Variants in OXR1 observed in about 807,000 individuals in gnomAD.
The protein encoded by OXR1 is oxidation resistance 1.
OXR1 carries 41 observed loss-of-function variants against 104.6 expected under a neutral mutation model. The ratio of observed to expected loss-of-function variants is 0.39; its 90% CI spans 0.31 to 0.51. The LOEUF (loss-of-function observed/expected upper bound fraction) is 0.51, where lower values mean the gene tolerates loss of function less well. Ranked by LOEUF, OXR1 falls within the 20% of genes least tolerant of loss-of-function variation. The pLI is 0.77. For missense variants in OXR1, 955 were observed against 1,031.9 expected (o/e 0.93, Z 1.02); for synonymous variants, 348 against 348.4 (o/e 1.00, Z 0.01).
intron 16 of OXR1, 58 bp from the exon 17 acceptor site, chr8:106,750,748 T>A: frequency 8.0e-7 from 1 of 1,252,510 alleles, no homozygotes; most frequent in African/African-American, 1.5e-5. Flanking sequence ...AAGTCTCATT[T>A]AAATTGTTTT....
chr8:106,677,421 A>G (rs1298234188), intron 3 of OXR1, among the ~76,000 whole-genome samples: 1 of 152,150 alleles, frequency 6.6e-6, no homozygotes, highest in Non-Finnish European at 1.5e-5. Context: ...CAAAAATAAT[A>G]TTCTTTATAA....
chr8:106,662,710 T>C (rs1455303843), intron 3 of OXR1, among the ~76,000 whole-genome samples: 3 of 152,116 alleles, frequency 2.0e-5, no homozygotes, highest in Non-Finnish European at 4.4e-5. Flanking sequence ...TTTATAACTG[T>C]GTTGGTTATT....
Position 106,395,623 on chromosome 8 carries a change from G to T in OXR1, c.23+35987G>T, listed in dbSNP as rs1442122878. Among the ~76,000 whole-genome samples, 7 of 152,174 alleles carry T rather than the reference G, an allele frequency of 4.6e-5. No homozygotes were observed. In the East Asian group the frequency reaches 1.4e-3, roughly 29 times the overall value. ...ACAATTCAAGTTGAGATTTGGTGGG[G>T]ACACAGCCAAACCATATCAGATATG... On this transcript the variant is annotated intron_variant, in intron 2 of 16. Coordinates refer to ENST00000517566, the MANE Select transcript of OXR1 (RefSeq NM_001198533.2).
chr8:106,495,453 A>T (rs957249510), intron 2 of OXR1, among the ~76,000 whole-genome samples: 4 of 152,190 alleles, frequency 2.6e-5, no homozygotes, highest in African/African-American at 9.7e-5. Flanking sequence ...CTTAAGTTTT[A>T]TTCCTCTTGA....
chr8:106,401,450 G>A (rs1432785693), intron 2 of OXR1, among the ~76,000 whole-genome samples: 3 of 152,152 alleles, frequency 2.0e-5, no homozygotes, highest in Non-Finnish European at 4.4e-5. Flanking sequence ...GAATTTTTAA[G>A]GGCCTGCACT....
intron 2 of OXR1, among the ~76,000 whole-genome samples, chr8:106,490,629 G>A (rs543844341): frequency 1.3e-5 from 2 of 152,240 alleles, no homozygotes; most frequent in East Asian, 3.9e-4. Flanking sequence ...GTCTCCCAAA[G>A]TGCTGAGATT....
chr8:106,737,714 T>A, intron 12 of OXR1, 114 bp downstream of exon 12: 1 of 411,382 alleles, frequency 2.4e-6, no homozygotes, highest in Non-Finnish European at 4.3e-6. Flanking sequence ...GCACTAAAAT[T>A]AAATTCCTTT....
At chr8:106,556,638 G>A (rs1816305502) in intron 3 of OXR1, among the ~76,000 whole-genome samples, 1 of 152,158 alleles carries the variant, frequency 6.6e-6, no homozygotes, top group South Asian at 2.1e-4. Context: ...AGAAAGATGA[G>A]CTTAGTAGGA....
chr8:106,680,538 A>G (rs1828048576), intron 4 of OXR1, among the ~76,000 whole-genome samples: 1 of 152,072 alleles, frequency 6.6e-6, no homozygotes, highest in East Asian at 1.9e-4. Flanking sequence ...AACTAATTGT[A>G]CTACATTTTG....
chr8:106,713,894 C>T lies in OXR1; in HGVS notation c.1865C>T (p.Thr622Ile), dbSNP rs1243636809. Residue 622 changes from threonine (T) to isoleucine (I), a missense_variant, in exon 11 of 17, where the codon ACC (threonine) becomes ATC (isoleucine). Transcript: ENST00000517566. ...TATGCAGAAGATACTGGCGAATATA[C>T]CAGAGAACCTGGATTTATAGTAGTA... ...EIYAEDTGEY[T>I]REPGFIVVKK... The T allele has an allele frequency of 1.9e-6, 3 of 1,591,162 alleles. No homozygotes were observed. The highest frequency in any genetic ancestry group is 2.6e-6 in the Non-Finnish European group (3 of 1,171,756).
intron 3 of OXR1, among the ~76,000 whole-genome samples, chr8:106,563,328 G>A (rs1170697902): frequency 1.3e-5 from 2 of 151,084 alleles, no homozygotes; most frequent in Non-Finnish European, 2.9e-5. Context: ...AAAAAAAGCA[G>A]GGGTTGCTAT....
chr8:106,652,685 G>A (rs1824695063), intron 3 of OXR1, among the ~76,000 whole-genome samples: 1 of 148,920 alleles, frequency 6.7e-6, no homozygotes, highest in African/African-American at 2.5e-5. Context: ...CTAACCTTCT[G>A]CCTTATGAAA....
chr8:106,284,862 G>A (rs1262777549), intron 1 of OXR1, among the ~76,000 whole-genome samples: 24 of 151,990 alleles, frequency 1.6e-4, no homozygotes, highest in Admixed American at 1.6e-3. Context: ...TATTGCCATA[G>A]CTTACTTGTT....
intron 3 of OXR1, among the ~76,000 whole-genome samples, chr8:106,673,275 G>C (rs1248176410): frequency 6.6e-6 from 1 of 152,202 alleles, no homozygotes; most frequent in Non-Finnish European, 1.5e-5. Flanking sequence ...GTTGGCTCTT[G>C]CTATGCTTTA....
chr8:106,376,556 T>C (rs1178929000), intron 2 of OXR1, among the ~76,000 whole-genome samples: 2 of 152,224 alleles, frequency 1.3e-5, no homozygotes, highest in Non-Finnish European at 2.9e-5. Context: ...AAGATAGTTA[T>C]TGGCCTAACA....
chr8:106,274,035 ACAAT>A (rs1302994870), intron 1 of OXR1, among the ~76,000 whole-genome samples: 2 of 152,236 alleles, frequency 1.3e-5, no homozygotes, highest in African/African-American at 4.8e-5. Context: ...GAGGGATTGA[ACAAT>A]CAGAGAAAAA....
At chr8:106,675,594 G>T (rs1235045830) in intron 3 of OXR1, among the ~76,000 whole-genome samples, 3 of 152,146 alleles carry the variant, frequency 2.0e-5, no homozygotes. Context: ...CAGTTTCCAT[G>T]TAATTGTATA....
chr8:106,704,982 T>C (rs1476424072), intron 8 of OXR1, among the ~76,000 whole-genome samples: 1 of 152,234 alleles, frequency 6.6e-6, no homozygotes, highest in Non-Finnish European at 1.5e-5. Flanking sequence ...TGATTGCTTT[T>C]CTTCTGTCTT....
rs191246383 is a variant in OXR1 at position 106,591,402 on chromosome 8, A to G, written c.220+72263A>G. ...TGGCACATGTATACATATGTAACAA[A>G]CGTGCACGTTGTGCACATGTACCCT... On this transcript the variant is annotated intron_variant, in intron 3 of 16. Coordinates refer to ENST00000517566, the MANE Select transcript of OXR1 (RefSeq NM_001198533.2). Among the ~76,000 whole-genome samples the G allele has an allele frequency of 8.1e-3, 1,224 of 150,862 alleles. 22 individuals carry two copies. The highest frequency in any genetic ancestry group is 0.028 in the African/African-American group (1,160 of 40,824).
Sources: gnomAD v4.1 joint callset for allele counts (sites outside exome capture counted in the v4.1 genomes callset) on GRCh38, gnomAD v4.1.1 for gene constraint, MANE v1.5 for transcripts, NCBI Gene and HGNC (gene_info 2026-07-23, HGNC 2026-07-21) for gene names.